The following DOK6 variants were observed in gnomAD, a reference collection of about 807,000 sequenced individuals.
DOK6 encodes docking protein 6, also known as downstream of tyrosine kinase 6.
DOK6 carries 22 observed loss-of-function variants against 44.0 expected under a neutral mutation model. The observed-to-expected ratio is 0.50, with a 90% CI of 0.36 to 0.71. The LOEUF (loss-of-function observed/expected upper bound fraction) is 0.71, where lower values mean the gene tolerates loss of function less well. Ranked by LOEUF, DOK6 falls within the 30% of genes least tolerant of loss-of-function variation. The pLI, the probability that DOK6 is intolerant of heterozygous loss-of-function variation, is 0.00. For missense variants in DOK6, 340 were observed against 416.4 expected (o/e 0.82, Z 1.60); for synonymous variants, 166 against 145.5 (o/e 1.14, Z -1.01).
chr18:69,725,869 A>C (rs986446236), intron 5 of DOK6, among the ~76,000 whole-genome samples: 5 of 152,238 alleles, frequency 3.3e-5, no homozygotes, highest in Non-Finnish European at 7.3e-5. Flanking sequence ...GCCTTGCATC[A>C]GGCAAAACGG....
At chr18:69,614,041 T>C (rs1984225391) in intron 3 of DOK6, among the ~76,000 whole-genome samples, 1 of 151,866 alleles carries the variant, frequency 6.6e-6, no homozygotes, top group South Asian at 2.1e-4. Flanking sequence ...CTGAAATACC[T>C]GGTTATCAGC....
intron 7 of DOK6, among the ~76,000 whole-genome samples, chr18:69,834,487 C>T (rs1259988494): frequency 6.6e-6 from 1 of 152,040 alleles, no homozygotes; most frequent in African/African-American, 2.4e-5. Flanking sequence ...TTATAGTTAA[C>T]AATAATTTAT....
chr18:69,642,483 C>T (rs150774299), intron 3 of DOK6, among the ~76,000 whole-genome samples: 265 of 152,286 alleles, frequency 1.7e-3, no homozygotes, highest in Non-Finnish European at 2.7e-3. Flanking sequence ...TATAATGAGA[C>T]TTCATCTCTT....
At chr18:69,559,871 G>A (rs1011395604) in intron 1 of DOK6, among the ~76,000 whole-genome samples, 8 of 152,066 alleles carry the variant, frequency 5.3e-5, no homozygotes, top group African/African-American at 1.9e-4. Context: ...GAAAGAGAGA[G>A]AGAAAGCAAG....
intron 7 of DOK6, among the ~76,000 whole-genome samples, chr18:69,819,082 A>C (rs775732823): frequency 3.9e-5 from 6 of 152,204 alleles, no homozygotes; most frequent in Non-Finnish European, 5.9e-5. Flanking sequence ...TCTAGAACCT[A>C]GGAATATCCT....
At chr18:69,496,767 T>C (rs541227842) in intron 1 of DOK6, among the ~76,000 whole-genome samples, 1 of 152,328 alleles carries the variant, frequency 6.6e-6, no homozygotes, top group African/African-American at 2.4e-5. Context: ...ACATTGTAGT[T>C]ACTTTAAATC....
At chr18:69,780,904 A>T (rs1466790555) in intron 7 of DOK6, among the ~76,000 whole-genome samples, 2 of 152,142 alleles carry the variant, frequency 1.3e-5, no homozygotes, top group African/African-American at 4.8e-5. Flanking sequence ...AGATGTGGAT[A>T]TTTATGGGCT....
intron 1 of DOK6, among the ~76,000 whole-genome samples, chr18:69,402,903 C>G (rs1462240128): frequency 6.6e-6 from 1 of 152,172 alleles, no homozygotes; most frequent in African/African-American, 2.4e-5. Context: ...CTGCGGTTCT[C>G]CAGGAGTCTG....
At chr18:69,483,057 A>T (rs1372773) in intron 1 of DOK6, among the ~76,000 whole-genome samples, 34,053 of 151,588 alleles carry the variant, frequency 0.22, 4,170 homozygotes, top group Middle Eastern at 0.27. Context: ...CCACCCTCCG[A>T]CAGGCCCCAG....
At chr18:69,646,438 C>T (rs1179040023) in intron 3 of DOK6, among the ~76,000 whole-genome samples, 8 of 152,066 alleles carry the variant, frequency 5.3e-5, no homozygotes, top group Admixed American at 3.9e-4. Flanking sequence ...AAAAAAATTA[C>T]CAGTTATTAT....
chr18:69,795,295 C>A (rs947314475), intron 7 of DOK6, among the ~76,000 whole-genome samples: 1 of 152,040 alleles, frequency 6.6e-6, no homozygotes. Flanking sequence ...AGACACCAGA[C>A]GATGGCAAAG....
In DOK6 at chr18:69,847,370, C is replaced by G. The variant is rs1982368327; in HGVS notation, c.*5987C>G. 6.6e-6 allele frequency: 1 copy of G among 152,226 alleles called. No individual in the cohort carries two copies. Among genetic ancestry groups the G allele is most frequent in the South Asian group, 2.1e-4 (1 of 4,834 alleles). 9.4% of individuals were successfully genotyped at this position (152,226 alleles called of 1,614,324 possible). A position where few individuals can be genotyped will look rare whatever the true frequency, so the allele number is the denominator to read the frequency against. On this transcript the variant is annotated 3_prime_UTR_variant, in exon 8 of 8. Transcript: ENST00000382713. ...AATGGAGCAAGGTCTACACTCTCAG[C>G]CTGTAGCTGTGCTAATGTTAGGATT...
chr18:69,599,641 C>A, intron 3 of DOK6, 143 bp downstream of exon 3: 1 of 629,140 alleles, frequency 1.6e-6, no homozygotes, highest in South Asian at 2.1e-5. Flanking sequence ...AGAAGCTCAA[C>A]GTATTGATTT....
chr18:69,609,227 T>C lies in DOK6; in HGVS notation c.289+9729T>C, dbSNP rs536777640. Among the ~76,000 whole-genome samples, 5 of 152,258 alleles carry C rather than the reference T, an allele frequency of 3.3e-5. No homozygotes were observed. In the South Asian group the frequency reaches 1.0e-3, roughly 32 times the overall value. On this transcript the variant is annotated intron_variant, in intron 3 of 7. Coordinates refer to ENST00000382713, the MANE Select transcript of DOK6 (RefSeq NM_152721.6). ...CAGGATGAAAAGGCAATCTACAGAA[T>C]GGGAAAAATACTTGCAAACTATCTA...
At chr18:69,678,119 C>G (rs1181323811) in intron 4 of DOK6, among the ~76,000 whole-genome samples, 3 of 151,980 alleles carry the variant, frequency 2.0e-5, no homozygotes, top group Non-Finnish European at 4.4e-5. Context: ...TGTGGTGGCC[C>G]GCACCTGTAG....
Position 69,757,797 on chromosome 18 carries a change from A to C in DOK6, c.780A>C (p.Ser260=), listed in dbSNP as rs1336142959. ...CTGAACCAATGACATTATCCAAATC[A>C]ATATCTCTTCCTCGCAGCGCGTACT... ...SLTEPMTLSK[S]ISLPRSAYWH... Residue 260 remains serine, a synonymous_variant, in exon 7 of 8, where the codon TCA becomes TCC. Coordinates refer to ENST00000382713, the MANE Select transcript of DOK6 (RefSeq NM_152721.6). 1 of 1,614,040 alleles carries C rather than the reference A, an allele frequency of 6.2e-7. No homozygotes were observed. The highest frequency in any genetic ancestry group is 8.5e-7 in the Non-Finnish European group (1 of 1,179,994).
chr18:69,670,840 G>A (rs1985780667), intron 3 of DOK6, among the ~76,000 whole-genome samples: 1 of 152,020 alleles, frequency 6.6e-6, no homozygotes. Context: ...CATCTATTAA[G>A]AATTCTCCCC....
At position 69,575,400 on chromosome 18, in the gene DOK6, G is replaced by A. The variant is rs148645899; in HGVS notation, c.174+10806G>A. On this transcript the variant is annotated intron_variant, in intron 2 of 7. Coordinates refer to ENST00000382713, the MANE Select transcript of DOK6 (RefSeq NM_152721.6). ...CCTACTGAATAGAATTAAAGTTAAG[G>A]TAGGTGTATATCAAAGCCCATGTGC... 8.3e-4 allele frequency among the ~76,000 whole-genome samples: 127 copies of A among 152,190 alleles called. No homozygotes were observed. The East Asian group carries it at 0.019, about 22-fold the overall frequency.
At chr18:69,509,630 T>A (rs1345199038) in intron 1 of DOK6, among the ~76,000 whole-genome samples, 1 of 115,980 alleles carries the variant, frequency 8.6e-6, no homozygotes, top group Non-Finnish European at 1.7e-5. Context: ...AGAGCTAGGC[T>A]CTGTCTCAAA....
Sources: gnomAD v4.1 joint callset for allele counts (sites outside exome capture counted in the v4.1 genomes callset) on GRCh38, gnomAD v4.1.1 for gene constraint, MANE v1.5 for transcripts, NCBI Gene and HGNC (gene_info 2026-07-23, HGNC 2026-07-21) for gene names.